The following MGAT4D variants were observed in gnomAD, a reference collection of about 807,000 sequenced individuals.
MGAT4D encodes the protein alpha-1,3-mannosyl-glycoprotein 4-beta-N-acetylglucosaminyltransferase-like protein MGAT4D.
A neutral mutation model predicts 15.9 loss-of-function variants in MGAT4D; 34 were observed. That is an observed-to-expected ratio of 2.14 (90% CI 1.62 to 2.84). The LOEUF is 2.84. Ranked by LOEUF, MGAT4D falls within the 30% of genes most tolerant of loss-of-function variation. The probability of loss-of-function intolerance (pLI) is 0.00; values close to 1 mark genes in which losing one functional copy is unlikely to be tolerated. For synonymous variants in MGAT4D, 112 were observed against 48.2 expected, an observed-to-expected ratio of 2.33 and a Z score of -5.49; for missense variants, 327 against 140.2, an observed-to-expected ratio of 2.33 and a Z score of -6.73.
At chr4:140,456,525 G>T in intron 9 of MGAT4D, 64 bp downstream of exon 9, 1 of 477,658 alleles carries the variant, frequency 2.1e-6, no homozygotes, top group Non-Finnish European at 3.7e-6. Flanking sequence ...CAAATTTTAG[G>T]TAATTACGTT....
intron 1 of MGAT4D, among the ~76,000 whole-genome samples, chr4:140,483,465 C>T (rs1732877767): frequency 6.6e-6 from 1 of 151,964 alleles, no homozygotes; most frequent in South Asian, 2.1e-4. Flanking sequence ...AGATTCAATG[C>T]AATCCTTAAA....
intron 1 of MGAT4D, 42 bp from the exon 2 acceptor site, chr4:140,482,527 G>T: frequency 3.6e-6 from 2 of 556,724 alleles, no homozygotes; most frequent in Non-Finnish European, 6.3e-6. Context: ...ATGTAGCAAT[G>T]GTGTCACACA....
At chr4:140,455,040 G>A (rs1308450642) in intron 9 of MGAT4D, among the ~76,000 whole-genome samples, 1 of 151,666 alleles carries the variant, frequency 6.6e-6, no homozygotes, top group African/African-American at 2.4e-5. Flanking sequence ...TGGTTTTATT[G>A]GTTTTCTCTA....
intron 8 of MGAT4D, chr4:140,458,488 G>C (rs556613697): frequency 6.6e-6 from 1 of 152,268 alleles, no homozygotes; most frequent in African/African-American, 2.4e-5. Flanking sequence ...TAAGACAGCT[G>C]ATCATGGGAT....
chr4:140,460,761 C>T (rs1731122278), intron 7 of MGAT4D, among the ~76,000 whole-genome samples: 1 of 152,202 alleles, frequency 6.6e-6, no homozygotes, highest in Non-Finnish European at 1.5e-5. Context: ...TGTGCCACTG[C>T]ACTCCAACCT....
intron 1 of MGAT4D, among the ~76,000 whole-genome samples, chr4:140,494,309 G>A (rs1250082788): frequency 6.6e-6 from 1 of 152,246 alleles, no homozygotes; most frequent in Non-Finnish European, 1.5e-5. Context: ...AAGATTGTGA[G>A]TGAGATGGCT....
intron 1 of MGAT4D, among the ~76,000 whole-genome samples, chr4:140,491,771 G>A (rs937128315): frequency 1.3e-5 from 2 of 152,000 alleles, no homozygotes; most frequent in Admixed American, 1.3e-4. Flanking sequence ...ACCCCTACAA[G>A]AGCATCAGAT....
chr4:140,484,986 A>G (rs1377084286), intron 1 of MGAT4D, among the ~76,000 whole-genome samples: 1 of 152,232 alleles, frequency 6.6e-6, no homozygotes, highest in Non-Finnish European at 1.5e-5. Context: ...TGTGGAAGTC[A>G]GTGTGGCGAT....
rs1426194788 is a variant in MGAT4D at position 140,464,893 on chromosome 4, T to C, written c.686+3A>G. ...AAGGCTACTATTTTCTAATATGACA[T>C]ACCTGGCTAATTTTTGTGAGGCCTC... is the stretch of plus-strand genomic sequence containing the variant. On this transcript the variant is annotated splice_donor_region_variant and intron_variant, in intron 6 of 10. Transcript: ENST00000511113. 2.6e-5 allele frequency: 18 copies of C among 702,204 alleles called. No homozygotes were observed. Among genetic ancestry groups the C allele is most frequent in the Non-Finnish European group, 4.2e-5 (16 of 384,740 alleles). 43.5% of individuals were successfully genotyped at this position (702,204 alleles called of 1,614,324 possible).
intron 5 of MGAT4D, among the ~76,000 whole-genome samples, chr4:140,466,760 G>A (rs549547508): frequency 6.6e-6 from 1 of 152,074 alleles, no homozygotes; most frequent in East Asian, 1.9e-4. Context: ...CATTTCTATG[G>A]CCCCATGCTA....
chr4:140,466,540 T>G (rs1463855233), intron 5 of MGAT4D, among the ~76,000 whole-genome samples: 3 of 152,172 alleles, frequency 2.0e-5, no homozygotes, highest in East Asian at 1.9e-4. Flanking sequence ...TTGATAAAAT[T>G]TTTAAAAGAA....
At chr4:140,451,732 A>G (rs1730485549) in intron 9 of MGAT4D, among the ~76,000 whole-genome samples, 1 of 152,154 alleles carries the variant, frequency 6.6e-6, no homozygotes, top group African/African-American at 2.4e-5. Flanking sequence ...ATGTATTTGC[A>G]TGAACTCTGT....
At chr4:140,474,471 C>T (rs139292328) in intron 4 of MGAT4D, among the ~76,000 whole-genome samples, 1,660 of 152,174 alleles carry the variant, frequency 0.011, 25 homozygotes, top group African/African-American at 0.038. Context: ...TTACTAGCAT[C>T]GATTTTAATA....
At chr4:140,460,908 A>G (rs1731130978) in intron 7 of MGAT4D, among the ~76,000 whole-genome samples, 2 of 152,204 alleles carry the variant, frequency 1.3e-5, no homozygotes, top group African/African-American at 4.8e-5. Context: ...CTTGTGATGA[A>G]AGGTGCCACG....
intron 2 of MGAT4D, 89 bp from the exon 3 acceptor site, chr4:140,479,716 TCA>T (rs1187750928): frequency 2.8e-6 from 1 of 358,918 alleles, no homozygotes; most frequent in Non-Finnish European, 5.0e-6. Context: ...GTTAATAAAC[TCA>T]CAGATTAATT....
intron 10 of MGAT4D, 126 bp downstream of exon 10, chr4:140,451,284 C>A: frequency 5.1e-6 from 2 of 394,464 alleles, no homozygotes; most frequent in Non-Finnish European, 9.0e-6. Flanking sequence ...ACAGTACTGT[C>A]ATAAGATGAA....
intron 8 of MGAT4D, chr4:140,457,738 A>T (rs1329303042): frequency 1.3e-5 from 2 of 152,178 alleles, no homozygotes; most frequent in Non-Finnish European, 2.9e-5. Flanking sequence ...TGTGTCTCTT[A>T]CTTGACTTTG....
intron 3 of MGAT4D, among the ~76,000 whole-genome samples, chr4:140,477,380 T>C (rs1732407075): frequency 6.6e-6 from 1 of 152,316 alleles, no homozygotes; most frequent in East Asian, 1.9e-4. Flanking sequence ...ATTCACCCCA[T>C]ATCCCAGGGC....
In MGAT4D at chr4:140,451,442, A is replaced by T; in HGVS notation, c.1084T>A (p.Ser362Thr). ...PSLFQHVGIH[S>T]SFPRKEQYEK... ...TATTGTTCTTTTCTAGGGAATGATG[A>T]ATGTATACCCACATGCTGGAAAAGA... The change falls in exon 10 of 11, where the codon TCA becomes ACA. Residue 362 changes from serine to threonine, a missense_variant. By Grantham distance (58) the Ser-to-Thr change is moderately conservative (BLOSUM62 1). Transcript: ENST00000511113. 1.6e-6 allele frequency: 1 copy of T among 620,690 alleles called. No homozygotes were observed. The highest frequency in any genetic ancestry group is 2.9e-6 in the Non-Finnish European group (1 of 340,472). The allele number at this position is 620,690 out of a possible 1,614,324, so 38.4% of individuals were successfully genotyped here. A position where few individuals can be genotyped will look rare whatever the true frequency, so the allele number is the denominator to read the frequency against.
Sources: gnomAD v4.1 joint callset for allele counts (sites outside exome capture counted in the v4.1 genomes callset) on GRCh38, gnomAD v4.1.1 for gene constraint, MANE v1.5 for transcripts, NCBI Gene and HGNC (gene_info 2026-07-23, HGNC 2026-07-21) for gene names.